Variants in MMP16 observed in about 807,000 individuals in gnomAD.
MMP16 encodes matrix metalloproteinase-16.
MMP16 carries 12 observed loss-of-function variants against 67.8 expected under a neutral mutation model. That is an observed-to-expected ratio of 0.18 (90% CI 0.11 to 0.29). The LOEUF is 0.29. MMP16 is among the 10% of genes least tolerant of loss of function. MMP16 has a pLI of 1.00. For missense variants in MMP16, 475 were observed against 765.7 expected, an observed-to-expected ratio of 0.62 and a Z score of 4.48; for synonymous variants, 249 against 255.9, an observed-to-expected ratio of 0.97 and a Z score of 0.26.
chr8:88,092,779 T>C (rs987353695), intron 6 of MMP16, among the ~76,000 whole-genome samples: 11 of 151,916 alleles, frequency 7.2e-5, no homozygotes, highest in Non-Finnish European at 1.2e-4. Flanking sequence ...TTGCCATTAA[T>C]ATTTACCAAG....
chr8:88,298,357 T>G (rs1811043774), intron 1 of MMP16, among the ~76,000 whole-genome samples: 1 of 152,212 alleles, frequency 6.6e-6, no homozygotes, highest in Non-Finnish European at 1.5e-5. Context: ...TTGCCAAATT[T>G]ACGTGTGGAA....
At chr8:88,148,291 A>C (rs546422811) in intron 4 of MMP16, among the ~76,000 whole-genome samples, 1 of 152,164 alleles carries the variant, frequency 6.6e-6, no homozygotes, top group Non-Finnish European at 1.5e-5. Context: ...TATGTATCTT[A>C]ATTTCATAAA....
intron 6 of MMP16, among the ~76,000 whole-genome samples, chr8:88,100,670 C>A (rs1290064072): frequency 1.1e-4 from 16 of 151,962 alleles, no homozygotes; most frequent in Admixed American, 7.2e-4. Context: ...ATAAAGACAC[C>A]TGCACATGTA....
intron 6 of MMP16, among the ~76,000 whole-genome samples, chr8:88,081,793 T>C (rs1434766480): frequency 3.3e-5 from 5 of 152,126 alleles, no homozygotes; most frequent in African/African-American, 1.2e-4. Flanking sequence ...AATGTATTAC[T>C]AGATTCTGTT....
chr8:88,200,020 T>TTAGCATAATTCTTGCTCAGTAAGTCA, intron 1 of MMP16, among the ~76,000 whole-genome samples: 1 of 152,030 alleles, frequency 6.6e-6, no homozygotes, highest in East Asian at 1.9e-4. Flanking sequence ...CACAAAGCCC[T>TTAGCATAATTCTTGCTCAGTAAGTCA]TAGCATAATT....
intron 1 of MMP16, among the ~76,000 whole-genome samples, chr8:88,293,228 T>A (rs2130022864): frequency 6.6e-6 from 1 of 152,270 alleles, no homozygotes; most frequent in South Asian, 2.1e-4. Context: ...AGAAACTAGT[T>A]TTTATGTCTT....
At chr8:88,270,155 G>A (rs1810543082) in intron 1 of MMP16, among the ~76,000 whole-genome samples, 1 of 152,258 alleles carries the variant, frequency 6.6e-6, no homozygotes, top group Non-Finnish European at 1.5e-5. Context: ...GTGACTCATA[G>A]AGGATCTCAA....
intron 1 of MMP16, among the ~76,000 whole-genome samples, chr8:88,264,160 A>C (rs1424424643): frequency 6.6e-6 from 1 of 151,914 alleles, no homozygotes; most frequent in Non-Finnish European, 1.5e-5. Context: ...TATTTATCAG[A>C]AATCAAAGAG....
At chr8:88,068,893 G>C (rs1240145443) in intron 7 of MMP16, among the ~76,000 whole-genome samples, 1 of 151,958 alleles carries the variant, frequency 6.6e-6, no homozygotes, top group African/African-American at 2.4e-5. Flanking sequence ...GTAGAGCTGG[G>C]ATTTCACCAT....
intron 3 of MMP16, among the ~76,000 whole-genome samples, chr8:88,171,297 T>C (rs1273237858): frequency 1.3e-5 from 2 of 152,160 alleles, no homozygotes; most frequent in Non-Finnish European, 2.9e-5. Flanking sequence ...CACACGAGTT[T>C]ACCTCCATAA....
chr8:88,110,783 T>C (rs1809321869), intron 6 of MMP16, among the ~76,000 whole-genome samples: 1 of 151,712 alleles, frequency 6.6e-6, no homozygotes, highest in East Asian at 1.9e-4. Context: ...CTATAATTTT[T>C]ATTCAGCTAA....
chr8:88,081,591 G>T (rs183515802), intron 6 of MMP16, among the ~76,000 whole-genome samples: 24 of 151,962 alleles, frequency 1.6e-4, no homozygotes, highest in African/African-American at 5.3e-4. Context: ...TCTCTAAAAA[G>T]AATTAAAAGA....
At chr8:88,094,497 A>C (rs1261803807) in intron 6 of MMP16, among the ~76,000 whole-genome samples, 2 of 151,810 alleles carry the variant, frequency 1.3e-5, no homozygotes, top group African/African-American at 4.8e-5. Flanking sequence ...AACATGAAGT[A>C]CACAAAAGAA....
At chr8:88,300,541 G>A (rs1811081495) in intron 1 of MMP16, among the ~76,000 whole-genome samples, 1 of 152,086 alleles carries the variant, frequency 6.6e-6, no homozygotes, top group Admixed American at 6.6e-5. Context: ...AACAGTGCTT[G>A]CATTCAAGAA....
intron 1 of MMP16, among the ~76,000 whole-genome samples, chr8:88,307,532 T>C (rs1300679766): frequency 6.6e-6 from 1 of 152,058 alleles, no homozygotes; most frequent in Admixed American, 6.6e-5. Flanking sequence ...TCAATCTTAA[T>C]TTAATAGCAA....
chr8:88,149,417 C>A lies in MMP16; in HGVS notation c.709+18252G>T, dbSNP rs1001182018. On this transcript the variant is annotated intron_variant, in intron 4 of 9. Transcript: ENST00000286614. ...TCCACCTCTGGGGGCAGGGCACAGA[C>A]AAACAAAAAGACAGCAGTAACCTCT... Among the ~76,000 whole-genome samples, 3 of 152,248 alleles carry A rather than the reference C, an allele frequency of 2.0e-5. No homozygotes were observed. The South Asian group carries it at 6.2e-4, about 32-fold the overall frequency.
Position 88,041,767 on chromosome 8 carries a change from C to T in MMP16, c.1518G>A (p.Glu506=), listed in dbSNP as rs772326236. 1 of 1,611,874 alleles carries T rather than the reference C, an allele frequency of 6.2e-7. No individual in the cohort carries two copies. Among genetic ancestry groups the T allele is most frequent in the Non-Finnish European group, 8.5e-7 (1 of 1,178,984 alleles). ...GTATCTGGTTGTTGAATTTCCAATA[C>T]TCCTTTCCTTTGTAGAAATACGTAA... is the stretch of plus-strand genomic sequence containing the variant. The part of the protein sequence containing the change: ...NGFTYFYKGK[E]YWKFNNQILK... The change falls in exon 10 of 10, where the codon GAG becomes GAA. Residue 506 remains glutamate, a synonymous_variant. Transcript: ENST00000286614. The surrounding 1 kb of genome is among the most constrained non-coding windows in gnomAD (Gnocchi z 6.0).
chr8:88,195,765 C>A (rs1271298773), intron 2 of MMP16, among the ~76,000 whole-genome samples: 1 of 152,026 alleles, frequency 6.6e-6, no homozygotes, highest in Non-Finnish European at 1.5e-5. Flanking sequence ...ATTCTTGATT[C>A]TGTTTTCCAA....
chr8:88,201,766 A>G (rs1809348321), intron 1 of MMP16, among the ~76,000 whole-genome samples: 1 of 151,980 alleles, frequency 6.6e-6, no homozygotes. Flanking sequence ...AAATTTTGTT[A>G]CAAAGTAAAA....
Sources: gnomAD v4.1 joint callset for allele counts (sites outside exome capture counted in the v4.1 genomes callset) on GRCh38, gnomAD v4.1.1 for gene constraint, Gnocchi (gnomAD v3.1) non-coding constraint, MANE v1.5 for transcripts, NCBI Gene and HGNC (gene_info 2026-07-23, HGNC 2026-07-21) for gene names.